Variants in TRIM37 observed in about 807,000 individuals in gnomAD.
TRIM37 encodes the protein E3 ubiquitin-protein ligase TRIM37.
A neutral mutation model predicts 129.8 loss-of-function variants in TRIM37; 80 were observed. That is an observed-to-expected ratio of 0.62 (90% confidence interval 0.51 to 0.74). The LOEUF is 0.74. Among genes scored for constraint, TRIM37 ranks in the 30% least tolerant of loss-of-function variants. The pLI is 0.00. For synonymous variants in TRIM37, 389 were observed against 387.1 expected, an observed-to-expected ratio of 1.00 and a Z score of -0.06; for missense variants, 1,054 against 1,176.5, an observed-to-expected ratio of 0.90 and a Z score of 1.52.
intron 5 of TRIM37, among the ~76,000 whole-genome samples, chr17:59,081,937 C>CAAAAAAAAAA (rs1157296161): frequency 2.0e-5 from 1 of 48,888 alleles, no homozygotes; most frequent in Non-Finnish European, 4.2e-5. Flanking sequence ...TAATAAAAAC[C>CAAAAAAAAAA]AAAAAAAAAA....
chr17:59,085,495 C>T (rs1242874154), intron 4 of TRIM37, among the ~76,000 whole-genome samples: 1 of 152,090 alleles, frequency 6.6e-6, no homozygotes, highest in East Asian at 1.9e-4. Flanking sequence ...TGAATCCTAA[C>T]CTCATACCAT....
rs1312241660 is a variant in TRIM37 at position 59,001,706 on chromosome 17, T to C, written c.2704A>G (p.Ser902Gly). 6.2e-7 allele frequency: 1 copy of C among 1,614,040 alleles called. No individual in the cohort carries two copies. The highest frequency in any genetic ancestry group is 1.1e-5 in the South Asian group (1 of 91,082). ...ASAAPEEGMSSDSDIECDTEN... is the reference protein window; with the variant it reads ...ASAAPEEGMSGDSDIECDTEN... ...GTGTCACATTCAATGTCACTGTCGC[T>C]ACTCATTCCTGGCAGGAAGGAAGGA... Residue 902 changes from serine (S) to glycine (G), a missense_variant, in exon 23 of 24, where the codon AGC (serine) becomes GGC (glycine). Ser to Gly is a moderately conservative substitution (Grantham distance 56). Coordinates refer to ENST00000262294, the MANE Select transcript of TRIM37 (RefSeq NM_015294.6).
intron 2 of TRIM37, among the ~76,000 whole-genome samples, chr17:59,095,599 T>A (rs1459014359): frequency 6.6e-6 from 1 of 152,220 alleles, no homozygotes; most frequent in Non-Finnish European, 1.5e-5. Flanking sequence ...GCAAGGAAAC[T>A]AGGAGGCCGA....
intron 20 of TRIM37, among the ~76,000 whole-genome samples, chr17:59,017,051 G>A (rs184158684): frequency 1.3e-5 from 2 of 152,110 alleles, no homozygotes; most frequent in African/African-American, 4.8e-5. Flanking sequence ...TGTAGTCCCA[G>A]CTACTTGGTG....
At chr17:59,100,350 C>T (rs998361374) in intron 2 of TRIM37, among the ~76,000 whole-genome samples, 7 of 152,080 alleles carry the variant, frequency 4.6e-5, no homozygotes, top group Admixed American at 3.3e-4. Flanking sequence ...ATGCCATATG[C>T]CCATCAACAG....
At chr17:59,046,540 GT>G (rs772227639) in intron 16 of TRIM37, among the ~76,000 whole-genome samples, 1,791 of 131,826 alleles carry the variant, frequency 0.014, 24 homozygotes, top group Non-Finnish European at 0.017. Flanking sequence ...ATGAAAAACA[GT>G]TTTTTTTTTT....
chr17:58,990,878 A>G (rs1015530807), intron 24 of TRIM37, among the ~76,000 whole-genome samples: 18 of 151,358 alleles, frequency 1.2e-4, no homozygotes, highest in African/African-American at 4.4e-4. Context: ...CACACCTAAG[A>G]AAAAGAAGTT....
At chr17:59,013,541 G>A (rs2035558593) in intron 21 of TRIM37, among the ~76,000 whole-genome samples, 1 of 152,148 alleles carries the variant, frequency 6.6e-6, no homozygotes, top group Admixed American at 6.6e-5. Flanking sequence ...AAACTGAGAA[G>A]ACACAGCACA....
At chr17:59,004,487 C>T (rs573177059) in intron 22 of TRIM37, among the ~76,000 whole-genome samples, 1 of 151,632 alleles carries the variant, frequency 6.6e-6, no homozygotes, top group Non-Finnish European at 1.5e-5. Context: ...AACAAAAAAA[C>T]CACAATGAAA....
intron 15 of TRIM37, among the ~76,000 whole-genome samples, chr17:59,048,035 G>T (rs1234559999): frequency 6.6e-6 from 1 of 152,110 alleles, no homozygotes; most frequent in Non-Finnish European, 1.5e-5. Context: ...CCTTCAGCTG[G>T]GCCCTCAGTG....
At chr17:59,064,843 G>A (rs558232487) in intron 9 of TRIM37, among the ~76,000 whole-genome samples, 346 of 152,230 alleles carry the variant, frequency 2.3e-3, no homozygotes, top group South Asian at 5.2e-3. Context: ...CCCTAGAGGT[G>A]GAGGTTGCGG....
chr17:58,990,892 T>C (rs530973028), intron 24 of TRIM37, among the ~76,000 whole-genome samples: 7 of 149,978 alleles, frequency 4.7e-5, no homozygotes, highest in Admixed American at 2.7e-4. Flanking sequence ...AGAAGTTTCC[T>C]GGCCAGGCAC....
chr17:59,005,483 C>T (rs1288672854), intron 22 of TRIM37, among the ~76,000 whole-genome samples: 1 of 152,112 alleles, frequency 6.6e-6, no homozygotes, highest in Admixed American at 6.6e-5. Context: ...ATGTGTTTCA[C>T]CATACTGGCC....
At chr17:58,980,965 G>A, downstream of TRIM37, 5 of 1,614,168 alleles carry the variant, frequency 3.1e-6, no homozygotes, top group Non-Finnish European at 4.2e-6. The surrounding 1 kb of genome is among the most constrained non-coding windows in gnomAD (Gnocchi z 4.7). Context: ...GTGAAAACAT[G>A]AGGAAGCTCA....
rs1045359304 is a variant in TRIM37 at position 58,998,647 on chromosome 17, G to C, written c.*730C>G. The C allele has an allele frequency of 3.0e-6, 3 of 985,322 alleles. No homozygotes were observed. The highest frequency in any genetic ancestry group is 3.6e-6 in the Non-Finnish European group (3 of 829,852). The allele number at this position is 985,322 out of a possible 1,614,324, so 61.0% of individuals were successfully genotyped here. ...TTGTTGCACTACAGTCGTATAGTAA[G>C]AGGCAGAAAAAAATGAAAGAATTTT... On this transcript the variant is annotated 3_prime_UTR_variant, in exon 24 of 24. Transcript: ENST00000262294.
downstream of TRIM37, among the ~76,000 whole-genome samples, chr17:58,996,038 G>T (rs61229852): frequency 2.3e-3 from 348 of 151,978 alleles, 1 homozygote; most frequent in African/African-American, 8.1e-3. Context: ...TAGAAACAAG[G>T]TATCTGCATA....
chr17:59,047,758 A>G lies in TRIM37; in HGVS notation c.1592T>C (p.Leu531Pro), dbSNP rs1383786631. The change falls in exon 16 of 24, where the codon CTC becomes CCC. Residue 531 changes from leucine (L) to proline (P), a missense_variant. This residue lies in a region of TRIM37 where 752 missense variants were observed against 870.8 expected (regional missense o/e 0.86). Transcript: ENST00000262294. ...DLVYEDEVNQ[L>P]DGSSSSASST... is the part of the protein sequence containing the mutation. Reference sequence around the variant, plus strand: ...ACTAGCAGAGGAACTGCTGCCATCGAGCTGATTTACTTCATCCTCATAAAC... The same window carrying G: ...ACTAGCAGAGGAACTGCTGCCATCGGGCTGATTTACTTCATCCTCATAAAC... 1 of 1,614,080 alleles carries G rather than the reference A, an allele frequency of 6.2e-7. No individual in the cohort carries two copies. Among genetic ancestry groups the G allele is most frequent in the Non-Finnish European group, 8.5e-7 (1 of 1,179,994 alleles).
At chr17:59,055,988 A>G (rs1428020333) in intron 13 of TRIM37, among the ~76,000 whole-genome samples, 5 of 152,170 alleles carry the variant, frequency 3.3e-5, no homozygotes. Context: ...TGACTCTTCT[A>G]CTTTTAATTT....
intron 2 of TRIM37, among the ~76,000 whole-genome samples, chr17:59,102,224 GAA>G (rs1407405928): frequency 6.6e-6 from 1 of 152,040 alleles, no homozygotes; most frequent in Non-Finnish European, 1.5e-5. Context: ...TCAGAGTAGA[GAA>G]CGACAGCAAC....
Sources: gnomAD v4.1 joint callset for allele counts (sites outside exome capture counted in the v4.1 genomes callset) on GRCh38, gnomAD v4.1.1 for gene constraint, gnomAD v4.1.1 regional missense constraint, Gnocchi (gnomAD v3.1) non-coding constraint, MANE v1.5 for transcripts, NCBI Gene and HGNC (gene_info 2026-07-23, HGNC 2026-07-21) for gene names.